DCN: variants seen among roughly 807,000 people sequenced by gnomAD.
DCN encodes bone proteoglycan II.
A neutral mutation model predicts 36.5 loss-of-function variants in DCN; 17 were observed. The ratio of observed to expected loss-of-function variants is 0.47; its 90% CI spans 0.32 to 0.70. The LOEUF is 0.70. DCN is among the 30% of genes least tolerant of loss of function. DCN has a pLI of 0.04. For missense variants in DCN, 389 were observed against 430.1 expected (o/e 0.90, Z 0.84); for synonymous variants, 163 against 161.4 (o/e 1.01, Z -0.07).
intron 7 of DCN, among the ~76,000 whole-genome samples, chr12:91,146,832 T>A (rs990476417): frequency 2.0e-5 from 3 of 152,180 alleles, no homozygotes; most frequent in African/African-American, 7.2e-5. Flanking sequence ...TCTCTTATGC[T>A]CTCTACATAA....
intron 3 of DCN, among the ~76,000 whole-genome samples, chr12:91,160,453 A>G (rs1041421042): frequency 3.3e-5 from 5 of 151,980 alleles, no homozygotes; most frequent in African/African-American, 1.2e-4. Context: ...ACTGTACCAA[A>G]TATTGTTCTA....
At chr12:91,156,510 A>G (rs888180460) in intron 5 of DCN, among the ~76,000 whole-genome samples, 1 of 152,146 alleles carries the variant, frequency 6.6e-6, no homozygotes, top group Non-Finnish European at 1.5e-5. Flanking sequence ...AAAGTCTTTG[A>G]ACCACTTTAT....
Position 91,145,877 on chromosome 12 carries a change from C to A in DCN, c.*181G>T. 1 of 592,012 alleles carries A rather than the reference C, an allele frequency of 1.7e-6. No homozygotes were observed. The highest frequency in any genetic ancestry group is 3.0e-6 in the Non-Finnish European group (1 of 336,136). The allele number at this position is 592,012 out of a possible 1,614,324, so 36.7% of individuals were successfully genotyped here. A position where few individuals can be genotyped will look rare whatever the true frequency, so the allele number is the denominator to read the frequency against. ...AAAAGATGATTCTGAAAATGGCAGGCAAAATTTCTTTTTATTGTAGGCAAT... is the reference window on the plus strand; with the variant it reads ...AAAAGATGATTCTGAAAATGGCAGGAAAAATTTCTTTTTATTGTAGGCAAT... On this transcript the variant is annotated 3_prime_UTR_variant, in exon 8 of 8. Transcript: ENST00000052754.
At chr12:91,171,870 C>G (rs960920331) in intron 2 of DCN, among the ~76,000 whole-genome samples, 1 of 152,148 alleles carries the variant, frequency 6.6e-6, no homozygotes, top group East Asian at 1.9e-4. Flanking sequence ...TTTTTTTAAG[C>G]CACCATGTTT....
intron 2 of DCN, chr12:91,172,182 C>T (rs1883004176): frequency 6.6e-6 from 1 of 151,618 alleles, no homozygotes; most frequent in Non-Finnish European, 1.5e-5. Context: ...TTTGGTTATC[C>T]CAATGATGAA....
At chr12:91,159,873 T>C (rs896413382) in intron 3 of DCN, among the ~76,000 whole-genome samples, 2 of 152,100 alleles carry the variant, frequency 1.3e-5, no homozygotes, top group Non-Finnish European at 2.9e-5. Context: ...GCATTTTCAA[T>C]TATAGTATAT....
intron 5 of DCN, among the ~76,000 whole-genome samples, chr12:91,155,035 A>G (rs777945105): frequency 6.6e-6 from 1 of 152,130 alleles, no homozygotes; most frequent in Non-Finnish European, 1.5e-5. Flanking sequence ...TATCACCAGG[A>G]GGTTGCTGAT....
At chr12:91,165,046 G>A (rs1279830607) in intron 2 of DCN, among the ~76,000 whole-genome samples, 5 of 152,124 alleles carry the variant, frequency 3.3e-5, no homozygotes, top group Non-Finnish European at 2.9e-5. Flanking sequence ...GTATTGAAAA[G>A]TAGTTATTTT....
At chr12:91,153,276 C>T in intron 5 of DCN, 87 bp from the exon 6 acceptor site, 1 of 797,528 alleles carries the variant, frequency 1.3e-6, no homozygotes, top group Non-Finnish European at 2.3e-6. Flanking sequence ...CATATGCCAT[C>T]AATTTTCTAA....
intron 2 of DCN, among the ~76,000 whole-genome samples, chr12:91,168,641 T>C (rs1882738378): frequency 6.6e-6 from 1 of 152,254 alleles, no homozygotes; most frequent in African/African-American, 2.4e-5. Flanking sequence ...TGTTCTGTTA[T>C]AACCATCTCC....
Position 91,158,495 on chromosome 12 carries a change from G to T in DCN, c.339C>A (p.Val113=). ...GACTAACTTTGCTAATTTTATTGTT[G>T]ACAAGAATCAATGCCTGTAGATAGT... ...NLKNLHALIL[V]NNKISKVSPG... Residue 113 remains valine, a synonymous_variant, in exon 4 of 8, where the codon GTC becomes GTA. Coordinates refer to ENST00000052754, the MANE Select transcript of DCN (RefSeq NM_001920.5). The T allele has an allele frequency of 6.3e-7, 1 of 1,577,594 alleles. No homozygotes were observed. Among genetic ancestry groups the T allele is most frequent in the Non-Finnish European group, 8.7e-7 (1 of 1,146,904 alleles).
At chr12:91,146,878 G>A (rs557856729) in intron 7 of DCN, among the ~76,000 whole-genome samples, 7 of 152,236 alleles carry the variant, frequency 4.6e-5, no homozygotes, top group African/African-American at 1.4e-4. Flanking sequence ...CCTTCAAAAT[G>A]TACACTTAAT....
intron 7 of DCN, among the ~76,000 whole-genome samples, chr12:91,148,721 C>CA (rs5799978): frequency 0.11 from 5,432 of 49,066 alleles, 602 homozygotes; most frequent in Middle Eastern, 0.26. Flanking sequence ...CGCTCCGACT[C>CA]AAAAAAAAAA....
At chr12:91,170,972 A>C (rs1882922774) in intron 2 of DCN, among the ~76,000 whole-genome samples, 1 of 152,194 alleles carries the variant, frequency 6.6e-6, no homozygotes, top group African/African-American at 2.4e-5. Context: ...TGATTGTATT[A>C]ATTGTATGTG....
chr12:91,163,597 T>A (rs1882303349), intron 3 of DCN, among the ~76,000 whole-genome samples: 1 of 152,124 alleles, frequency 6.6e-6, no homozygotes, highest in Admixed American at 6.5e-5. Flanking sequence ...CCTTTGTGAG[T>A]GGCATCTCTT....
chr12:91,159,168 C>G (rs1882000030), intron 3 of DCN, among the ~76,000 whole-genome samples: 1 of 152,004 alleles, frequency 6.6e-6, no homozygotes, highest in Non-Finnish European at 1.5e-5. Context: ...TGAAAATAAT[C>G]AATGCCACAG....
In DCN at chr12:91,178,508, C is replaced by A. The variant is rs912177379; in HGVS notation, c.45G>T (p.Trp15Cys). Residue 15 changes from tryptophan to cysteine, a missense_variant, in exon 2 of 8, where the codon TGG becomes TGT. Trp to Cys is a radical substitution (Grantham distance 215). Transcript: ENST00000052754. ...IILLLLAQVS[W>C]AGPFQQRGLF... ...AGCCTCTCTGTTGAAACGGTCCAGCCCAGGAAACTTGTGCAAGCAGAAGGA... is the reference window on the plus strand; with the variant it reads ...AGCCTCTCTGTTGAAACGGTCCAGCACAGGAAACTTGTGCAAGCAGAAGGA... The A allele has an allele frequency of 6.2e-7, 1 of 1,613,444 alleles. No homozygotes were observed. Among genetic ancestry groups the A allele is most frequent in the African/African-American group, 1.3e-5 (1 of 74,736 alleles).
At chr12:91,168,397 T>G (rs1353504491) in intron 2 of DCN, among the ~76,000 whole-genome samples, 2 of 152,210 alleles carry the variant, frequency 1.3e-5, no homozygotes, top group Non-Finnish European at 2.9e-5. Context: ...TTACAGGCCA[T>G]AGATGTATAA....
At chr12:91,154,435 C>CAA (rs58026236) in intron 5 of DCN, among the ~76,000 whole-genome samples, 24,854 of 151,866 alleles carry the variant, frequency 0.16, 3,784 homozygotes, top group African/African-American at 0.41. Context: ...CAAAGTAATG[C>CAA]AAAATGTATA....
Sources: gnomAD v4.1 joint callset for allele counts (sites outside exome capture counted in the v4.1 genomes callset) on GRCh38, gnomAD v4.1.1 for gene constraint, MANE v1.5 for transcripts, NCBI Gene and HGNC (gene_info 2026-07-23, HGNC 2026-07-21) for gene names.